KIAA1755: variants seen among roughly 807,000 people sequenced by gnomAD.
The protein encoded by KIAA1755 is KIAA1755.
Under a neutral mutation model 91.7 loss-of-function variants are expected in KIAA1755, and 68 were observed. The ratio of observed to expected loss-of-function variants is 0.74; its 90% CI spans 0.61 to 0.91. KIAA1755 has a LOEUF of 0.91. Among genes scored for constraint, KIAA1755 ranks in the 40% least tolerant of loss-of-function variants. The pLI, the probability that KIAA1755 is intolerant of heterozygous loss-of-function variation, is 0.00. For synonymous variants in KIAA1755, 610 were observed against 604.6 expected (o/e 1.01, Z -0.13); for missense variants, 1,535 against 1,494.4 (o/e 1.03, Z -0.45).
Position 38,241,079 on chromosome 20 carries a change from C to G in KIAA1755, c.1052G>C (p.Gly351Ala). 1 of 1,614,178 alleles carries G rather than the reference C, an allele frequency of 6.2e-7. No individual in the cohort carries two copies. Among genetic ancestry groups the G allele is most frequent in the Non-Finnish European group, 8.5e-7 (1 of 1,180,034 alleles). Reference sequence around the variant, plus strand: ...TTTAAGATTGACCTTTCTCCTGAAGCCCAAATTATAGGGCCTCTCCTCAGA... The same window carrying G: ...TTTAAGATTGACCTTTCTCCTGAAGGCCAAATTATAGGGCCTCTCCTCAGA... ...ESSEERPYNL[G>A]FRRKVNLKAP... The change falls in exon 3 of 14, where the codon GGC becomes GCC. Residue 351 changes from glycine to alanine, a missense_variant. Gly to Ala is a moderately conservative substitution (Grantham distance 60). Transcript: ENST00000279024.
rs1382643912 is a variant in KIAA1755, at chr20:38,212,619, C to T, written c.*423G>A. The T allele has an allele frequency of 3.1e-5, 5 of 162,480 alleles. No homozygotes were observed. Among genetic ancestry groups the T allele is most frequent in the Admixed American group, 6.1e-5 (1 of 16,470 alleles). 10.1% of individuals were successfully genotyped at this position (162,480 alleles called of 1,614,324 possible). ...GGAATCCAAGACAAGGAAGCACTCC[C>T]GAATCTCCCCGAGGATTCTGCCTAA... On this transcript the variant is annotated 3_prime_UTR_variant, in exon 14 of 14. Coordinates refer to ENST00000279024, the MANE Select transcript of KIAA1755 (RefSeq NM_001029864.2).
At chr20:38,242,521 G>A (rs1341755188) in intron 2 of KIAA1755, among the ~76,000 whole-genome samples, 2 of 152,216 alleles carry the variant, frequency 1.3e-5, no homozygotes, top group East Asian at 1.9e-4. Context: ...TGCATTTAAT[G>A]TACCTAATCT....
intron 4 of KIAA1755, among the ~76,000 whole-genome samples, chr20:38,238,811 T>C (rs1250209934): frequency 6.6e-6 from 1 of 152,208 alleles, no homozygotes; most frequent in Non-Finnish European, 1.5e-5. Context: ...TGATAAGACC[T>C]TCTGTATTGG....
chr20:38,213,051 G>A lies in KIAA1755; in HGVS notation c.3594C>T (p.Ala1198=), dbSNP rs751383454. The A allele has an allele frequency of 2.6e-6, 4 of 1,542,158 alleles. No homozygotes were observed. The South Asian group carries it at 3.7e-5, about 14-fold the overall frequency. ...TGAAGGGGCCTCTCAGCTAGAGGGAGGCAAGGGGACTTGTCTGGGGTGAGT... is the reference window on the plus strand; with the variant it reads ...TGAAGGGGCCTCTCAGCTAGAGGGAAGCAAGGGGACTTGTCTGGGGTGAGT... ...LEDSPQTSPL[A]SL Residue 1198 remains alanine, a synonymous_variant, in exon 14 of 14, where the codon GCC becomes GCT. Coordinates refer to ENST00000279024, the MANE Select transcript of KIAA1755 (RefSeq NM_001029864.2).
At position 38,213,138 on chromosome 20, in the gene KIAA1755, G is replaced by A. The variant is rs75356568; in HGVS notation, c.3507C>T (p.Val1169=). The A allele has an allele frequency of 0.025, 40,394 of 1,612,778 alleles. 612 individuals are homozygous for A. Among genetic ancestry groups the A allele is most frequent in the Non-Finnish European group, 0.031 (36,095 of 1,179,220 alleles). Reference sequence around the variant, plus strand: ...AGAAGCTGCCCCCAGTGAGGCGAGGGACCTGGCTCTGCCTGGGGGGCTGCT... The same window carrying A: ...AGAAGCTGCCCCCAGTGAGGCGAGGAACCTGGCTCTGCCTGGGGGGCTGCT... The part of the protein sequence containing the change: ...FRQQPPRQSQ[V]PRLTGGSFSS... The change falls in exon 14 of 14, where the codon GTC becomes GTT. Residue 1169 remains valine (V), a synonymous_variant. Transcript: ENST00000279024.
At position 38,251,667 on chromosome 20, in the gene KIAA1755, G is replaced by A. The variant is rs1219728570; in HGVS notation, c.4-5541C>T. On this transcript the variant is annotated intron_variant, in intron 1 of 13. Transcript: ENST00000279024. ...TGCAACCTCCGCCTCCCGGGCTCAAGTGATTCTTCTGCTTCAGCCTCCCAT... is the reference window on the plus strand; with the variant it reads ...TGCAACCTCCGCCTCCCGGGCTCAAATGATTCTTCTGCTTCAGCCTCCCAT... Among the ~76,000 whole-genome samples the A allele has an allele frequency of 2.0e-5, 3 of 151,354 alleles. No homozygotes were observed. The East Asian group carries it at 5.8e-4, about 29-fold the overall frequency.
At chr20:38,229,055 G>A (rs930107126) in intron 5 of KIAA1755, among the ~76,000 whole-genome samples, 1 of 152,156 alleles carries the variant, frequency 6.6e-6, no homozygotes, top group African/African-American at 2.4e-5. Context: ...GGGTGGCCAG[G>A]GAATCTGTGT....
chr20:38,241,053 C>A lies in KIAA1755; in HGVS notation c.1078G>T (p.Ala360Ser). 1 of 1,614,088 alleles carries A rather than the reference C, an allele frequency of 6.2e-7. No individual in the cohort carries two copies. The highest frequency in any genetic ancestry group is 8.5e-7 in the Non-Finnish European group (1 of 1,180,030). The change falls in exon 3 of 14, where the codon GCA (alanine) becomes TCA (serine). Residue 360 changes from alanine (A) to serine (S), a missense_variant. Transcript: ENST00000279024. ...GGCCTTTCTGAGTTGTGGGTGGGTG[C>A]TTTAAGATTGACCTTTCTCCTGAAG... ...LGFRRKVNLKAPTHNSERPPQ... is the reference protein window; with the variant it reads ...LGFRRKVNLKSPTHNSERPPQ...
intron 13 of KIAA1755, chr20:38,216,948 C>T (rs1600562385): frequency 1.6e-6 from 1 of 627,672 alleles, no homozygotes; most frequent in South Asian, 1.5e-5. Flanking sequence ...GTACCACAGA[C>T]ACATCTATGT....
chr20:38,259,508 TGC>T (rs1339284813), intron 1 of KIAA1755, among the ~76,000 whole-genome samples: 3 of 133,794 alleles, frequency 2.2e-5, no homozygotes, highest in Non-Finnish European at 4.8e-5. Context: ...TGTGAGTGCC[TGC>T]GTGTGTGTGT....
intron 1 of KIAA1755, chr20:38,260,188 T>G: frequency 7.1e-7 from 1 of 1,416,514 alleles, no homozygotes; most frequent in Non-Finnish European, 9.3e-7. Context: ...ACCACCCCGT[T>G]TCAGCCCTCA....
At chr20:38,252,085 T>G (rs768762771) in intron 1 of KIAA1755, among the ~76,000 whole-genome samples, 6 of 152,106 alleles carry the variant, frequency 3.9e-5, no homozygotes, top group Admixed American at 1.3e-4. Context: ...AAACTATCTT[T>G]CCCTGATGTG....
chr20:38,231,100 G>A (rs1278725136), intron 5 of KIAA1755, 102 bp downstream of exon 5: 18 of 1,279,590 alleles, frequency 1.4e-5, no homozygotes, highest in East Asian at 2.5e-5. Context: ...CAGACGACTG[G>A]ATGGAAGGAT....
chr20:38,231,062 G>T, intron 5 of KIAA1755, 140 bp downstream of exon 5: 1 of 895,034 alleles, frequency 1.1e-6, no homozygotes. Flanking sequence ...CTTTCCCCCG[G>T]CATCTGTCTG....
At position 38,222,487 on chromosome 20, in the gene KIAA1755, C is replaced by T; in HGVS notation, c.2379G>A (p.Gln793=). Residue 793 remains glutamine, a synonymous_variant, in exon 10 of 14, where the codon CAG becomes CAA. Transcript: ENST00000279024. ...TGAAGTCCAGCCTGCTGGCATCATGCTGCAGCCTGGCCAGGGTGGCTCCAC... is the reference window on the plus strand; with the variant it reads ...TGAAGTCCAGCCTGCTGGCATCATGTTGCAGCCTGGCCAGGGTGGCTCCAC... ...REGGATLARL[Q]HDASRLDFSP... 6.2e-7 allele frequency: 1 copy of T among 1,613,746 alleles called. No homozygotes were observed. The highest frequency in any genetic ancestry group is 8.5e-7 in the Non-Finnish European group (1 of 1,180,010).
At chr20:38,219,912 T>G in intron 10 of KIAA1755, 144 bp from the exon 11 acceptor site, 4 of 1,029,638 alleles carry the variant, frequency 3.9e-6, no homozygotes, top group Non-Finnish European at 5.6e-6. Context: ...GGGCAGGCCC[T>G]TCACCAAGGG....
At chr20:38,216,697 A>G (rs1204250153) in intron 13 of KIAA1755, among the ~76,000 whole-genome samples, 1 of 152,224 alleles carries the variant, frequency 6.6e-6, no homozygotes, top group African/African-American at 2.4e-5. Flanking sequence ...CTCTTTGGGC[A>G]GTTTTCTCAT....
At chr20:38,250,560 T>C (rs368679851) in intron 1 of KIAA1755, among the ~76,000 whole-genome samples, 2 of 150,136 alleles carry the variant, frequency 1.3e-5, no homozygotes, top group African/African-American at 4.9e-5. Flanking sequence ...GAAAGTTTAA[T>C]AGGCAAGAAA....
chr20:38,218,385 AT>A lies in KIAA1755; in HGVS notation c.2557-20del. ...CGCTGACCTGGGGCAGGAGAGGCAG[AT>A]TTGGACATGAGGGGCTGCTAGGAGA... On this transcript the variant is annotated intron_variant, in intron 11 of 13. Coordinates refer to ENST00000279024, the MANE Select transcript of KIAA1755 (RefSeq NM_001029864.2). 1 of 1,613,740 alleles carries A rather than the reference AT, an allele frequency of 6.2e-7. No homozygotes were observed. The highest frequency in any genetic ancestry group is 8.5e-7 in the Non-Finnish European group (1 of 1,179,882).
Sources: allele counts gnomAD v4.1 joint callset (sites outside exome capture counted in the v4.1 genomes callset), GRCh38; gene constraint gnomAD v4.1.1; transcripts MANE v1.5; gene names NCBI Gene and HGNC (gene_info 2026-07-23, HGNC 2026-07-21).